Variants in NAV3 observed in about 807,000 individuals in gnomAD.
NAV3 encodes the protein pore membrane and/or filament interacting like protein 1.
In NAV3, 87 loss-of-function variants were observed where a neutral mutation model predicts 244.7. The ratio of observed to expected loss-of-function variants is 0.36; its 90% CI spans 0.30 to 0.42. NAV3 has a LOEUF of 0.42. Among genes scored for constraint, NAV3 ranks in the 20% least tolerant of loss-of-function variants. NAV3 has a pLI of 1.00. For synonymous variants in NAV3, 1,126 were observed against 1,042.2 expected (o/e 1.08, Z -1.55); for missense variants, 2,663 against 2,893.3 (o/e 0.92, Z 1.83).
At chr12:77,649,485 G>T (rs927120320) in intron 2 of NAV3, among the ~76,000 whole-genome samples, 1 of 151,986 alleles carries the variant, frequency 6.6e-6, no homozygotes, top group Non-Finnish European at 1.5e-5. Context: ...ACATCATGCT[G>T]TTTGCATCTA....
rs76152655 is a variant in NAV3 at position 77,767,822 on chromosome 12, T to C, written c.73-172497T>C. Among the ~76,000 whole-genome samples the C allele has an allele frequency of 5.3e-4, 81 of 152,330 alleles. No homozygotes were observed. In the East Asian group the frequency reaches 0.014, roughly 27 times the overall value. On this transcript the variant is annotated intron_variant, in intron 2 of 8. Coordinates refer to the NAV3 transcript ENST00000550042. The stretch of plus-strand genomic sequence containing the variant: ...CCAAAGGGCTGCAACTCTTTTTTCC[T>C]TCCCATTGCCTGCAATGCAGTGAGC...
intron 1 of NAV3, among the ~76,000 whole-genome samples, chr12:77,846,204 T>TA (rs1332556703): frequency 6.6e-6 from 1 of 152,170 alleles, no homozygotes; most frequent in Non-Finnish European, 1.5e-5. Context: ...CCTCCTCCAT[T>TA]AAAATCTATT....
intron 34 of NAV3, among the ~76,000 whole-genome samples, chr12:78,195,363 A>C (rs1959158741): frequency 6.6e-6 from 1 of 151,446 alleles, no homozygotes; most frequent in Non-Finnish European, 1.5e-5. Context: ...TTTTATTATT[A>C]TTATTATTAT....
chr12:77,660,043 G>A (rs1873358051), intron 2 of NAV3, among the ~76,000 whole-genome samples: 1 of 151,840 alleles, frequency 6.6e-6, no homozygotes, highest in African/African-American at 2.4e-5. Flanking sequence ...GCACCAGCAT[G>A]TCACATGTAT....
chr12:77,655,739 T>C (rs1294802637), intron 2 of NAV3, among the ~76,000 whole-genome samples: 4 of 152,110 alleles, frequency 2.6e-5, no homozygotes, highest in Admixed American at 2.6e-4. Flanking sequence ...GGGAAGCCCA[T>C]CAGACTAACA....
At chr12:77,639,819 A>G (rs1872319254) in intron 2 of NAV3, among the ~76,000 whole-genome samples, 1 of 152,182 alleles carries the variant, frequency 6.6e-6, no homozygotes, top group Non-Finnish European at 1.5e-5. Context: ...TTGCTTACAC[A>G]GAAATGTGGC....
At chr12:78,017,342 A>G (rs1453342887) in intron 8 of NAV3, among the ~76,000 whole-genome samples, 5 of 152,122 alleles carry the variant, frequency 3.3e-5, no homozygotes, top group African/African-American at 1.2e-4. Context: ...CTGAGGTGAG[A>G]GCATCTCTTG....
chr12:77,649,142 A>G (rs1872719914), intron 2 of NAV3, among the ~76,000 whole-genome samples: 1 of 152,136 alleles, frequency 6.6e-6, no homozygotes, highest in Admixed American at 6.6e-5. Flanking sequence ...CACACTGCTC[A>G]CAGATGGACC....
chr12:78,193,899 C>T (rs567611008), intron 34 of NAV3, among the ~76,000 whole-genome samples: 70 of 151,840 alleles, frequency 4.6e-4, no homozygotes, highest in African/African-American at 1.6e-3. Flanking sequence ...TGTGCCTCCC[C>T]ACTCTCTCTC....
intron 2 of NAV3, among the ~76,000 whole-genome samples, chr12:77,740,319 T>G (rs567866979): frequency 1.3e-5 from 2 of 152,228 alleles, no homozygotes; most frequent in African/African-American, 4.8e-5. Context: ...GTATGGAGTA[T>G]CAGAATGCTA....
chr12:77,681,738 G>T (rs1701383403), intron 2 of NAV3, among the ~76,000 whole-genome samples: 1 of 152,054 alleles, frequency 6.6e-6, no homozygotes, highest in Admixed American at 6.6e-5. Context: ...TTTTATAAAA[G>T]TATTAAACTC....
At chr12:77,668,520 A>G (rs1448563928) in intron 2 of NAV3, among the ~76,000 whole-genome samples, 4 of 152,204 alleles carry the variant, frequency 2.6e-5, no homozygotes, top group African/African-American at 9.6e-5. Context: ...AGAATTGAAC[A>G]ACAAGAAGAA....
chr12:77,897,866 A>G (rs1466554674), intron 1 of NAV3, among the ~76,000 whole-genome samples: 2 of 151,712 alleles, frequency 1.3e-5, no homozygotes, highest in African/African-American at 4.8e-5. Flanking sequence ...CATGGATTCT[A>G]CTCTTGTTAA....
Position 78,197,425 on chromosome 12 carries a change from T to A in NAV3, c.6446+24T>A, listed in dbSNP as rs1291886030. Reference sequence around the variant, plus strand: ...TGGTATGCTTATCAAATATTCTGAATAATGAAATATGAAATAATTATCATC... The same window carrying A: ...TGGTATGCTTATCAAATATTCTGAAAAATGAAATATGAAATAATTATCATC... On this transcript the variant is annotated intron_variant, in intron 35 of 39. Coordinates refer to ENST00000397909, the MANE Select transcript of NAV3 (RefSeq NM_001024383.2). 2.0e-6 allele frequency: 3 copies of A among 1,509,074 alleles called. No homozygotes were observed. In the Admixed American group the frequency reaches 5.9e-5, roughly 30 times the overall value. 93.5% of individuals were successfully genotyped at this position (1,509,074 alleles called of 1,614,324 possible).
At chr12:77,814,237 G>A (rs535225209) in intron 2 of NAV3, among the ~76,000 whole-genome samples, 8 of 151,552 alleles carry the variant, frequency 5.3e-5, no homozygotes, top group Non-Finnish European at 8.8e-5. Context: ...ATGTCCCTTC[G>A]TATGTGGAGA....
intron 2 of NAV3, among the ~76,000 whole-genome samples, chr12:77,725,436 T>C (rs711144): frequency 0.73 from 110,539 of 151,634 alleles, 41,056 homozygotes; most frequent in East Asian, 0.88. Flanking sequence ...GGACATTTGC[T>C]GTGTACATTT....
At chr12:78,133,822 T>G (rs300459) in intron 18 of NAV3, among the ~76,000 whole-genome samples, 124,475 of 151,996 alleles carry the variant, frequency 0.82, 51,205 homozygotes, top group Non-Finnish European at 0.85. Context: ...TAACCCAATC[T>G]CTACCCTTCA....
At position 77,934,231 on chromosome 12, in the gene NAV3, C is replaced by T. The variant is rs190126554; in HGVS notation, c.244-6088C>T. On this transcript the variant is annotated intron_variant, in intron 1 of 39. Transcript: ENST00000397909. ...ACCAAGGCTGCTGTCTGATGAGTGC[C>T]CGAAGGTAGGATTCCTGTCATACAT... Among the ~76,000 whole-genome samples the T allele has an allele frequency of 2.0e-5, 3 of 152,134 alleles. No homozygotes were observed. The East Asian group carries it at 5.8e-4, about 29-fold the overall frequency.
At chr12:77,803,919 A>C (rs935648930) in intron 2 of NAV3, among the ~76,000 whole-genome samples, 1 of 152,168 alleles carries the variant, frequency 6.6e-6, no homozygotes, top group East Asian at 1.9e-4. Context: ...GGCCACATAA[A>C]TGTCTTCTTT....
Sources: gnomAD v4.1 joint callset for allele counts (sites outside exome capture counted in the v4.1 genomes callset) on GRCh38, gnomAD v4.1.1 for gene constraint, MANE v1.5 for transcripts, NCBI Gene and HGNC (gene_info 2026-07-23, HGNC 2026-07-21) for gene names.